ANKS1B: variants seen among roughly 807,000 people sequenced by gnomAD.
The protein encoded by ANKS1B is ankyrin repeat and sterile alpha motif domain containing 1B.
Under a neutral mutation model 148.3 loss-of-function variants are expected in ANKS1B, and 36 were observed. The observed-to-expected ratio is 0.24, with a 90% CI of 0.19 to 0.32. The LOEUF (loss-of-function observed/expected upper bound fraction) is 0.32, where lower values mean the gene tolerates loss of function less well. ANKS1B is among the 10% of genes least tolerant of loss of function. The probability of loss-of-function intolerance (pLI) is 1.00; values close to 1 mark genes in which losing one functional copy is unlikely to be tolerated. For missense variants in ANKS1B, 1,157 were observed against 1,542.6 expected (o/e 0.75, Z 4.19); for synonymous variants, 542 against 560.8 (o/e 0.97, Z 0.47).
intron 26 of ANKS1B, among the ~76,000 whole-genome samples, chr12:98,747,693 T>C (rs2097927903): frequency 6.6e-6 from 1 of 152,174 alleles, no homozygotes; most frequent in Non-Finnish European, 1.5e-5. Flanking sequence ...AGCCAAGACA[T>C]GGAATCAAAC....
In ANKS1B at chr12:99,081,042, C is replaced by T. The variant is rs549425179; in HGVS notation, c.2625+3883G>A. Among the ~76,000 whole-genome samples the T allele has an allele frequency of 3.9e-5, 6 of 152,024 alleles. No homozygotes were observed. In the East Asian group the frequency reaches 5.8e-4, roughly 15 times the overall value. On this transcript the variant is annotated intron_variant, in intron 16 of 26. Transcript: ENST00000683438. Reference sequence around the variant, plus strand: ...AAAGGTCAAGCATTGCAAAAGACAGCGAGAAAGATGCATTCTATGTGTTGA... The same window carrying T: ...AAAGGTCAAGCATTGCAAAAGACAGTGAGAAAGATGCATTCTATGTGTTGA...
chr12:99,502,242 C>T (rs534202527), intron 10 of ANKS1B, among the ~76,000 whole-genome samples: 3 of 152,200 alleles, frequency 2.0e-5, no homozygotes, highest in South Asian at 2.1e-4. Context: ...GAAGCTTCCC[C>T]CCCTGAATAT....
chr12:99,214,498 G>C (rs1250737677), intron 14 of ANKS1B, among the ~76,000 whole-genome samples: 1 of 152,166 alleles, frequency 6.6e-6, no homozygotes, highest in Middle Eastern at 3.2e-3. Context: ...ATAAGGGGCA[G>C]TTCCCCTGCA....
intron 12 of ANKS1B, among the ~76,000 whole-genome samples, chr12:99,263,640 T>C (rs183647173): frequency 1.3e-5 from 2 of 152,202 alleles, no homozygotes; most frequent in Admixed American, 6.5e-5. Flanking sequence ...CCCCACTTGA[T>C]TGGATCATGG....
chr12:98,795,969 C>T (rs1337063161), intron 22 of ANKS1B, among the ~76,000 whole-genome samples: 1 of 152,186 alleles, frequency 6.6e-6, no homozygotes, highest in Non-Finnish European at 1.5e-5. Flanking sequence ...CTCTCAACTG[C>T]TACCTGTTAT....
At chr12:98,768,471 A>C (rs967452408) in intron 25 of ANKS1B, among the ~76,000 whole-genome samples, 1 of 142,778 alleles carries the variant, frequency 7.0e-6, no homozygotes, top group Non-Finnish European at 1.5e-5. Flanking sequence ...ACGGTGGCTC[A>C]TGCCTGTAAT....
intron 16 of ANKS1B, among the ~76,000 whole-genome samples, chr12:99,075,472 A>C: frequency 6.6e-6 from 1 of 152,194 alleles, no homozygotes; most frequent in South Asian, 2.1e-4. Context: ...GCTGTTTGTT[A>C]CAGTGGCTAG....
At chr12:99,462,741 G>T (rs2096004365) in intron 10 of ANKS1B, among the ~76,000 whole-genome samples, 2 of 152,130 alleles carry the variant, frequency 1.3e-5, no homozygotes, top group Admixed American at 1.3e-4. Context: ...GTTGGAGATG[G>T]GCATACTGGG....
At chr12:99,529,925 T>C (rs992660808) in intron 9 of ANKS1B, among the ~76,000 whole-genome samples, 3 of 152,318 alleles carry the variant, frequency 2.0e-5, no homozygotes, top group Admixed American at 1.3e-4. Context: ...TTAGGATTAA[T>C]TTAGGAATGT....
chr12:98,869,179 A>G (rs1274924760), intron 17 of ANKS1B, among the ~76,000 whole-genome samples: 1 of 152,164 alleles, frequency 6.6e-6, no homozygotes, highest in African/African-American at 2.4e-5. Context: ...TGAGGAAGGA[A>G]TTTTTTATTT....
chr12:99,243,124 C>G (rs904219388), intron 14 of ANKS1B, among the ~76,000 whole-genome samples: 1 of 152,006 alleles, frequency 6.6e-6, no homozygotes. Flanking sequence ...TGCAATCTAC[C>G]CATCTGACAA....
intron 9 of ANKS1B, among the ~76,000 whole-genome samples, chr12:99,589,037 A>G (rs1162178407): frequency 6.6e-6 from 1 of 152,194 alleles, no homozygotes; most frequent in Non-Finnish European, 1.5e-5. Context: ...CTCTCCTCAA[A>G]GTAGTGCTGT....
At chr12:99,030,160 A>G (rs1421283235) in intron 17 of ANKS1B, among the ~76,000 whole-genome samples, 1 of 152,228 alleles carries the variant, frequency 6.6e-6, no homozygotes, top group Non-Finnish European at 1.5e-5. Flanking sequence ...GCACACGTCA[A>G]AGAGCACCAC....
At chr12:99,129,034 G>T (rs2065275218) in intron 15 of ANKS1B, among the ~76,000 whole-genome samples, 1 of 152,192 alleles carries the variant, frequency 6.6e-6, no homozygotes, top group Admixed American at 6.5e-5. Flanking sequence ...CCCTTCTACT[G>T]GACTGGGATG....
At chr12:99,703,405 T>C (rs2055190188) in intron 8 of ANKS1B, among the ~76,000 whole-genome samples, 1 of 152,160 alleles carries the variant, frequency 6.6e-6, no homozygotes, top group Non-Finnish European at 1.5e-5. Flanking sequence ...ATTAACTAAC[T>C]GGCATCCATT....
chr12:98,745,940 C>T, intron 26 of ANKS1B, 91 bp from the exon 27 acceptor site: 3 of 1,405,046 alleles, frequency 2.1e-6, no homozygotes, highest in Non-Finnish European at 2.9e-6. Flanking sequence ...ACGCGAGGCC[C>T]CTCGCCCCAG....
intron 1 of ANKS1B, among the ~76,000 whole-genome samples, chr12:99,844,366 G>A (rs1250846117): frequency 6.6e-6 from 1 of 152,110 alleles, no homozygotes; most frequent in Admixed American, 6.6e-5. Flanking sequence ...GGTTTTTCTA[G>A]TTTTAGGCTC....
In ANKS1B at chr12:99,693,121, A is replaced by C. The variant is rs535548405; in HGVS notation, c.1129-37911T>G. ...GGAGACTTAAAAAGAGCAGTCAAGG[A>C]GGGAAGAATAAGGAAAAATAGTATA... On this transcript the variant is annotated intron_variant, in intron 8 of 26. Coordinates refer to ENST00000683438, the MANE Select transcript of ANKS1B (RefSeq NM_001352186.2). Among the ~76,000 whole-genome samples the C allele has an allele frequency of 3.6e-4, 55 of 152,312 alleles. 1 individual carries two copies. Among genetic ancestry groups the C allele is most frequent in the African/African-American group, 1.3e-3 (53 of 41,572 alleles).
intron 4 of ANKS1B, among the ~76,000 whole-genome samples, chr12:99,804,259 G>A (rs1031042710): frequency 1.3e-5 from 2 of 152,110 alleles, no homozygotes; most frequent in African/African-American, 4.8e-5. Context: ...TAAACATCTA[G>A]TTTATCATTA....
Sources: gnomAD v4.1 joint callset for allele counts (sites outside exome capture counted in the v4.1 genomes callset) on GRCh38, gnomAD v4.1.1 for gene constraint, MANE v1.5 for transcripts, NCBI Gene and HGNC (gene_info 2026-07-23, HGNC 2026-07-21) for gene names.